The following PARD3B variants were observed in gnomAD, a reference collection of about 807,000 sequenced individuals.
PARD3B encodes partitioning defective 3 homolog B.
In PARD3B, 103 loss-of-function variants were observed where a neutral mutation model predicts 130.2. That is an observed-to-expected ratio of 0.79 (90% CI 0.67 to 0.93). PARD3B has a LOEUF of 0.93. Ranked by LOEUF, PARD3B falls within the 40% of genes least tolerant of loss-of-function variation. The pLI, the probability that PARD3B is intolerant of heterozygous loss-of-function variation, is 0.00. For missense variants in PARD3B, 1,609 were observed against 1,499.2 expected, an observed-to-expected ratio of 1.07 and a Z score of -1.21; for synonymous variants, 583 against 553.2, an observed-to-expected ratio of 1.05 and a Z score of -0.76.
intron 21 of PARD3B, among the ~76,000 whole-genome samples, chr2:205,536,314 G>A (rs974323474): frequency 6.6e-6 from 1 of 152,096 alleles, no homozygotes; most frequent in East Asian, 1.9e-4. Flanking sequence ...GTGTCCCCAG[G>A]AATATCGTGA....
chr2:205,592,653 T>C lies in PARD3B; in HGVS notation c.3261-22803T>C, dbSNP rs928727946. Among the ~76,000 whole-genome samples, 8 of 152,258 alleles carry C rather than the reference T, an allele frequency of 5.3e-5. No individual in the cohort carries two copies. Among genetic ancestry groups the C allele is most frequent in the African/African-American group, 1.7e-4 (7 of 41,474 alleles). On this transcript the variant is annotated intron_variant, in intron 22 of 22. Transcript: ENST00000406610. The surrounding 1 kb of genome is among the most constrained non-coding windows in gnomAD (Gnocchi z 4.5). ...ATTTAAGGTTTTTCATGATCTTATA[T>C]ATCTTACCATATAAATCTAAATCAA...
intron 2 of PARD3B, among the ~76,000 whole-genome samples, chr2:204,829,353 T>C (rs1489150077): frequency 6.6e-6 from 1 of 152,240 alleles, no homozygotes; most frequent in East Asian, 1.9e-4. Context: ...CTAGCAACTT[T>C]AATCAGCTTT....
chr2:205,384,845 A>C (rs547969951), intron 18 of PARD3B, among the ~76,000 whole-genome samples: 93 of 152,238 alleles, frequency 6.1e-4, no homozygotes, highest in Non-Finnish European at 1.1e-3. Context: ...TTGACCAGCA[A>C]GATCATCTAT....
At chr2:205,202,045 A>T (rs1300317953) in intron 15 of PARD3B, among the ~76,000 whole-genome samples, 15 of 152,156 alleles carry the variant, frequency 9.9e-5, no homozygotes, top group Non-Finnish European at 1.9e-4. Flanking sequence ...GTGGTAAAAG[A>T]CTTCAGATAG....
chr2:204,874,237 T>A (rs546594888), intron 2 of PARD3B, among the ~76,000 whole-genome samples: 1 of 152,308 alleles, frequency 6.6e-6, no homozygotes, highest in East Asian at 1.9e-4. Context: ...ATGGCCCCTT[T>A]TAGCACACAT....
chr2:205,266,948 A>T (rs945661294), intron 16 of PARD3B, among the ~76,000 whole-genome samples: 3 of 152,152 alleles, frequency 2.0e-5, no homozygotes, highest in African/African-American at 4.8e-5. Flanking sequence ...AGGATTTTCA[A>T]CAAAAACGAT....
At position 205,366,634 on chromosome 2, in the gene PARD3B, C is replaced by G. The variant is rs1013384514; in HGVS notation, c.2631-34379C>G. Among the ~76,000 whole-genome samples, 1 of 152,154 alleles carries G rather than the reference C, an allele frequency of 6.6e-6. No homozygotes were observed. Among genetic ancestry groups the G allele is most frequent in the Non-Finnish European group, 1.5e-5 (1 of 68,034 alleles). ...GCTACCTGTCAGCATACAGATGACA[C>G]TCAAATCTGTCTCCTCTCAAGCCTA... On this transcript the variant is annotated intron_variant, in intron 18 of 22. Transcript: ENST00000406610. This position sits in a 1 kb window ranked among gnomAD's most constrained non-coding sequence, Gnocchi z 5.0.
intron 3 of PARD3B, among the ~76,000 whole-genome samples, chr2:205,034,074 C>T (rs945827935): frequency 6.6e-6 from 1 of 152,160 alleles, no homozygotes; most frequent in African/African-American, 2.4e-5. Context: ...GGGAAACAAA[C>T]CAGACAGTAG....
At chr2:205,212,432 G>C (rs1328269479) in intron 15 of PARD3B, among the ~76,000 whole-genome samples, 1 of 152,030 alleles carries the variant, frequency 6.6e-6, no homozygotes, top group African/African-American at 2.4e-5. Flanking sequence ...ATCCTTTGAG[G>C]AATGTCCTTA....
At chr2:205,289,703 C>T (rs1478103506) in intron 16 of PARD3B, among the ~76,000 whole-genome samples, 2 of 152,258 alleles carry the variant, frequency 1.3e-5, no homozygotes, top group Middle Eastern at 3.4e-3. Context: ...ACCATTAACC[C>T]ATTCATAAAT....
intron 3 of PARD3B, among the ~76,000 whole-genome samples, 181 bp from the exon 4 acceptor site, chr2:205,047,400 G>A (rs1698871852): frequency 6.6e-6 from 1 of 152,210 alleles, no homozygotes; most frequent in Non-Finnish European, 1.5e-5. Context: ...TTGTTTCCAT[G>A]TGTCAACCTA....
chr2:205,254,757 G>A (rs1049120958), intron 16 of PARD3B, among the ~76,000 whole-genome samples: 5 of 150,270 alleles, frequency 3.3e-5, no homozygotes, highest in African/African-American at 9.8e-5. Flanking sequence ...TCCGCCCCCC[G>A]GGGTTCACGC....
intron 4 of PARD3B, among the ~76,000 whole-genome samples, chr2:205,073,024 A>G (rs1029272974): frequency 2.4e-4 from 37 of 152,190 alleles, no homozygotes; most frequent in African/African-American, 8.7e-4. Context: ...ATTTTAATAT[A>G]TATCTTTTAA....
At position 205,430,159 on chromosome 2, in the gene PARD3B, A is replaced by G. The variant is rs569551412; in HGVS notation, c.2742-10211A>G. Among the ~76,000 whole-genome samples, 3 of 152,326 alleles carry G rather than the reference A, an allele frequency of 2.0e-5. No individual in the cohort carries two copies. In the South Asian group the frequency reaches 6.2e-4, roughly 32 times the overall value. ...ATGGATATACAATTTCCCTCGATAT[A>G]TAAGTGAGGGGCCTGCAGAACTCAC... On this transcript the variant is annotated intron_variant, in intron 19 of 22. Transcript: ENST00000406610.
intron 2 of PARD3B, among the ~76,000 whole-genome samples, chr2:204,893,012 C>A (rs1575231722): frequency 1.3e-5 from 2 of 152,176 alleles, no homozygotes; most frequent in Non-Finnish European, 2.9e-5. Flanking sequence ...GTTTTTGAAT[C>A]ATAAAACTGG....
chr2:205,261,162 T>C (rs1289530927), intron 16 of PARD3B, among the ~76,000 whole-genome samples: 3 of 152,148 alleles, frequency 2.0e-5, no homozygotes, highest in Non-Finnish European at 4.4e-5. Context: ...TTGTGGCATG[T>C]GAGGTCATGT....
chr2:204,926,975 A>C (rs940508136), intron 2 of PARD3B, among the ~76,000 whole-genome samples: 2 of 152,142 alleles, frequency 1.3e-5, no homozygotes, highest in African/African-American at 2.4e-5. Context: ...GAAGAGGAGC[A>C]AGTAATTCCA....
intron 2 of PARD3B, among the ~76,000 whole-genome samples, chr2:204,712,562 G>A (rs1180143739): frequency 1.3e-5 from 2 of 148,598 alleles, no homozygotes; most frequent in African/African-American, 2.5e-5. Context: ...TGCAATGAGC[G>A]GAGATCACGC....
rs758905732 is a variant in PARD3B at position 205,172,279 on chromosome 2, C to T, written c.1689C>T (p.Asn563=). The T allele has an allele frequency of 2.5e-6, 4 of 1,614,094 alleles. No homozygotes were observed. Among genetic ancestry groups the T allele is most frequent in the Non-Finnish European group, 3.4e-6 (4 of 1,180,000 alleles). The part of the protein sequence containing the change: ...VNGESLLGKS[N]HEAMETLRRS... ...GGGAATCTCTTTTGGGAAAGTCCAA[C>T]CACGAAGCTATGGAAACACTTAGGC... The change falls in exon 12 of 23, where the codon AAC becomes AAT. Residue 563 remains asparagine, a synonymous_variant. Coordinates refer to ENST00000406610, the MANE Select transcript of PARD3B (RefSeq NM_001302769.2).
Sources: allele counts gnomAD v4.1 joint callset (sites outside exome capture counted in the v4.1 genomes callset), GRCh38; gene constraint gnomAD v4.1.1; non-coding constraint Gnocchi (gnomAD v3.1); transcripts MANE v1.5; gene names NCBI Gene and HGNC (gene_info 2026-07-23, HGNC 2026-07-21).